Variants in CELA3A observed in about 807,000 individuals in gnomAD.
CELA3A encodes chymotrypsin-like elastase family member 3A.
In CELA3A, 35 loss-of-function variants were observed where a neutral mutation model predicts 38.6. The ratio of observed to expected loss-of-function variants is 0.91; its 90% confidence interval spans 0.69 to 1.20. CELA3A has a LOEUF of 1.20. Ranked by LOEUF, CELA3A falls within the 50% of genes most tolerant of loss-of-function variation. The pLI, the probability that CELA3A is intolerant of heterozygous loss-of-function variation, is 0.00. For missense variants in CELA3A, 343 were observed against 354.2 expected (o/e 0.97, Z 0.25); for synonymous variants, 143 against 136.7 (o/e 1.05, Z -0.32).
chr1:22,011,604 A>T lies in CELA3A; in HGVS notation c.796-846A>T, dbSNP rs1187664404. Among the ~76,000 whole-genome samples, 2 of 126,046 alleles carry T rather than the reference A, an allele frequency of 1.6e-5. 1 individual carries two copies. Among genetic ancestry groups the T allele is most frequent in the African/African-American group, 6.5e-5 (2 of 30,708 alleles). The allele number at this position is 126,046 out of a possible 152,430, so 82.7% of individuals were successfully genotyped here. A position where few individuals can be genotyped will look rare whatever the true frequency, so the allele number is the denominator to read the frequency against. ...TGAAACCCTGTCTCTACAAAAATAT[A>T]AAAAAATTGGCCAGGCGTGGTAGTG... is the stretch of plus-strand genomic sequence containing the variant. On this transcript the variant is annotated intron_variant, in intron 7 of 7. Transcript: ENST00000290122.
intron 2 of CELA3A, 91 bp from the exon 3 acceptor site, chr1:22,005,356 G>T: frequency 1.4e-6 from 2 of 1,481,112 alleles, no homozygotes; most frequent in South Asian, 2.3e-5. Flanking sequence ...GCGCCCTCTA[G>T]AGTTGCACAG....
chr1:22,003,765 GCACA>G, intron 2 of CELA3A, among the ~76,000 whole-genome samples: 1 of 150,956 alleles, frequency 6.6e-6, no homozygotes, highest in Non-Finnish European at 1.5e-5. Flanking sequence ...AAGTGCAATG[GCACA>G]ATCTTGGCTC....
chr1:22,007,994 A>G (rs575868008), intron 6 of CELA3A, among the ~76,000 whole-genome samples: 3 of 150,376 alleles, frequency 2.0e-5, no homozygotes, highest in Admixed American at 1.3e-4. Context: ...CTACAGAAAA[A>G]CTTTTTTTAC....
chr1:22,005,321 G>A, intron 2 of CELA3A, 126 bp from the exon 3 acceptor site: 4 of 1,139,658 alleles, frequency 3.5e-6, no homozygotes, highest in South Asian at 2.6e-5. Context: ...TATTTCAGTG[G>A]GTGCTCTCGT....
intron 1 of CELA3A, among the ~76,000 whole-genome samples, chr1:22,002,301 C>A (rs1644922938): frequency 6.6e-6 from 1 of 151,262 alleles, no homozygotes; most frequent in East Asian, 1.9e-4. Context: ...TTTTACTGAC[C>A]CTCAAGGAAG....
chr1:22,007,259 G>A, intron 5 of CELA3A, 114 bp from the exon 6 acceptor site: 1 of 1,426,892 alleles, frequency 7.0e-7, no homozygotes, highest in Non-Finnish European at 9.5e-7. Flanking sequence ...TTTAGCGGGT[G>A]GGAGGAGAGT....
rs540913325 is a variant in CELA3A at position 22,001,856 on chromosome 1, A to G, written c.43+139A>G. 40 of 1,230,132 alleles carry G rather than the reference A, an allele frequency of 3.3e-5. 2 individuals are homozygous for G. The African/African-American group carries it at 5.7e-4, about 17-fold the overall frequency. The allele number at this position is 1,230,132 out of a possible 1,614,324, so 76.2% of individuals were successfully genotyped here. A position where few individuals can be genotyped will look rare whatever the true frequency, so the allele number is the denominator to read the frequency against. On this transcript the variant is annotated intron_variant, in intron 1 of 7. Coordinates refer to ENST00000290122, the MANE Select transcript of CELA3A (RefSeq NM_005747.5). ...GTCTCAGCTTGTACCCGGGGGCATG[A>G]CTGTAGGGGCTTTCAGCTTATGATG...
At chr1:22,005,358 G>A in intron 2 of CELA3A, 89 bp from the exon 3 acceptor site, 2 of 1,504,736 alleles carry the variant, frequency 1.3e-6, no homozygotes, top group South Asian at 2.3e-5. Context: ...GCCCTCTAGA[G>A]TTGCACAGTG....
Position 22,008,730 on chromosome 1 carries a change from A to G in CELA3A, c.643-975A>G, listed in dbSNP as rs576796938. 3.3e-3 allele frequency among the ~76,000 whole-genome samples: 495 copies of G among 150,266 alleles called. 26 individuals carry two copies. Among genetic ancestry groups the G allele is most frequent in the African/African-American group, 0.012 (476 of 40,400 alleles). On this transcript the variant is annotated intron_variant, in intron 6 of 7. Transcript: ENST00000290122. Reference sequence around the variant, plus strand: ...GCCGAGATCGCGCCACTGCACTCCAACCTGGGTGACAGAGCGAGACGCTGA... The same window carrying G: ...GCCGAGATCGCGCCACTGCACTCCAGCCTGGGTGACAGAGCGAGACGCTGA...
rs1644973407 is a variant in CELA3A at position 22,009,877 on chromosome 1, C to T, written c.795+20C>T. On this transcript the variant is annotated intron_variant, in intron 7 of 7. Transcript: ENST00000290122. ...GAGGAGGTGAGGAGGGCAGGGCGGC[C>T]CGGAGGGCTTTAGGGTGGTGGCTCT... 8.7e-6 allele frequency: 14 copies of T among 1,608,334 alleles called. No homozygotes were observed. Among genetic ancestry groups the T allele is most frequent in the Non-Finnish European group, 1.2e-5 (14 of 1,177,938 alleles).
At position 22,009,751 on chromosome 1, in the gene CELA3A, G is replaced by A. The variant is rs146504981; in HGVS notation, c.689G>A (p.Trp230Ter). The change falls in exon 7 of 8, where the codon TGG becomes TAG. Residue 230 changes from tryptophan (W) to a stop codon, truncating the protein, a stop_gained. Transcript: ENST00000290122. LOFTEE classifies it high-confidence loss of function. ...AACTGCCCCACAGAGGATGGTGGCT[G>A]GCAGGTCCACGGTGTGACCAGCTTT... ...PLNCPTEDGG[W>*]QVHGVTSFVS... The A allele has an allele frequency of 1.4e-4, 233 of 1,612,114 alleles. 3 individuals are homozygous for A. The highest frequency in any genetic ancestry group is 1.8e-4 in the Non-Finnish European group (218 of 1,179,462).
intron 7 of CELA3A, among the ~76,000 whole-genome samples, chr1:22,011,750 ACT>A (rs1175166324): frequency 1.7e-5 from 2 of 119,824 alleles, no homozygotes; most frequent in South Asian, 2.6e-4. Context: ...ACAGAGCAAG[ACT>A]CTGTCTTAAA....
At chr1:22,008,526 G>A (rs1313162488) in intron 6 of CELA3A, among the ~76,000 whole-genome samples, 3 of 150,562 alleles carry the variant, frequency 2.0e-5, no homozygotes, top group Non-Finnish European at 4.4e-5. Context: ...TTGGGAGGCC[G>A]AGCCGGGCGG....
chr1:22,008,888 G>A (rs1353617529), intron 6 of CELA3A, among the ~76,000 whole-genome samples: 1 of 151,976 alleles, frequency 6.6e-6, no homozygotes, highest in African/African-American at 2.4e-5. Flanking sequence ...ATCGTGCTAA[G>A]ATCGTGCATC....
At position 22,005,563 on chromosome 1, in the gene CELA3A, C is replaced by T; in HGVS notation, c.227+19C>T. ...GCATCTCGTGAGTTCTCTACCCTGT[C>T]CCTGCCTGTGGCCCTGGGCAGCGGG... On this transcript the variant is annotated intron_variant, in intron 3 of 7. Transcript: ENST00000290122. 1 of 1,612,718 alleles carries T rather than the reference C, an allele frequency of 6.2e-7. No homozygotes were observed. The highest frequency in any genetic ancestry group is 8.5e-7 in the Non-Finnish European group (1 of 1,179,482).
chr1:22,005,602 T>C lies in CELA3A; in HGVS notation c.227+58T>C. On this transcript the variant is annotated intron_variant, in intron 3 of 7. Transcript: ENST00000290122. ...CTGGGCAGCGGGGGAGAGTGGGTGA[T>C]GATGGGGAAGGAGGGAGGTGAGCCA... is the stretch of plus-strand genomic sequence containing the variant. 4.3e-6 allele frequency: 7 copies of C among 1,611,826 alleles called. 1 individual carries two copies. The highest frequency in any genetic ancestry group is 5.9e-6 in the Non-Finnish European group (7 of 1,179,176).
At position 22,009,816 on chromosome 1, in the gene CELA3A, G is replaced by A. The variant is rs1410380405; in HGVS notation, c.754G>A (p.Val252Met). Residue 252 changes from valine to methionine, a missense_variant, in exon 7 of 8, where the codon GTG becomes ATG. Val to Met is a conservative substitution (Grantham distance 21). Transcript: ENST00000290122. ...FGCNFIWKPT[V>M]FTRVSAFIDW... is the part of the protein sequence containing the mutation. Reference sequence around the variant, plus strand: ...CTGCAACTTCATCTGGAAGCCCACGGTGTTCACTCGAGTCTCCGCCTTCAT... The same window carrying A: ...CTGCAACTTCATCTGGAAGCCCACGATGTTCACTCGAGTCTCCGCCTTCAT... 1.9e-6 allele frequency: 3 copies of A among 1,612,364 alleles called. No homozygotes were observed. Among genetic ancestry groups the A allele is most frequent in the Non-Finnish European group, 2.5e-6 (3 of 1,179,528 alleles).
At position 22,007,352 on chromosome 1, in the gene CELA3A, C is replaced by T. The variant is rs752102673; in HGVS notation, c.500-21C>T. On this transcript the variant is annotated intron_variant, in intron 5 of 7. Coordinates refer to ENST00000290122, the MANE Select transcript of CELA3A (RefSeq NM_005747.5). Reference sequence around the variant, plus strand: ...GCGGTGTGCCCCCAGACCCCTGACTCGGTGCTTTTTATCCTTGCAGCCAAT... The same window carrying T: ...GCGGTGTGCCCCCAGACCCCTGACTTGGTGCTTTTTATCCTTGCAGCCAAT... 88 of 1,599,700 alleles carry T rather than the reference C, an allele frequency of 5.5e-5. 5 individuals are homozygous for T. Among genetic ancestry groups the T allele is most frequent in the Middle Eastern group, 1.7e-4 (1 of 5,998 alleles).
At position 22,005,736 on chromosome 1, in the gene CELA3A, C is replaced by T. The variant is rs1644946090; in HGVS notation, c.302C>T (p.Pro101Leu). ...AVKEGPEQVI[P>L]INSEELFVHP... ...AAGGAGGGCCCCGAGCAGGTGATCC[C>T]CATCAACTCTGAGGAGCTGTTTGTG... The change falls in exon 4 of 8, where the codon CCC (proline) becomes CTC (leucine). Residue 101 changes from proline to leucine, a missense_variant. Physicochemically the swap from Pro to Leu is moderately conservative, Grantham distance 98. Transcript: ENST00000290122. 1 of 1,612,226 alleles carries T rather than the reference C, an allele frequency of 6.2e-7. No homozygotes were observed. Among genetic ancestry groups the T allele is most frequent in the Admixed American group, 1.7e-5 (1 of 59,912 alleles).
Sources: allele counts gnomAD v4.1 joint callset (sites outside exome capture counted in the v4.1 genomes callset), GRCh38; gene constraint gnomAD v4.1.1; transcripts MANE v1.5; gene names NCBI Gene and HGNC (gene_info 2026-07-23, HGNC 2026-07-21).